Variants in RPRD1B observed in about 807,000 individuals in gnomAD.
RPRD1B encodes the protein regulation of nuclear pre-mRNA domain-containing protein 1B.
In RPRD1B, 11 loss-of-function variants were observed where a neutral mutation model predicts 41.5. The observed-to-expected ratio is 0.27, with a 90% CI of 0.17 to 0.44. The LOEUF is 0.44. RPRD1B is among the 20% of genes least tolerant of loss of function. The probability of loss-of-function intolerance (pLI) is 1.00; values close to 1 mark genes in which losing one functional copy is unlikely to be tolerated. For synonymous variants in RPRD1B, 158 were observed against 155.6 expected (o/e 1.02, Z -0.12); for missense variants, 248 against 389.9 (o/e 0.64, Z 3.06).
Position 38,090,084 on chromosome 20 carries a change from C to T in RPRD1B, c.*209C>T, listed in dbSNP as rs967614705. ...TGGCGACTGGAATCTGGTTTATATT[C>T]ATATTTGCAAAGACTACAGACTTTT... On this transcript the variant is annotated 3_prime_UTR_variant, in exon 7 of 7. Transcript: ENST00000373433. 1 of 1,289,092 alleles carries T rather than the reference C, an allele frequency of 7.8e-7. No individual in the cohort carries two copies. The highest frequency in any genetic ancestry group is 2.8e-5 in the East Asian group (1 of 35,310). 79.9% of individuals were successfully genotyped at this position (1,289,092 alleles called of 1,614,324 possible).
chr20:38,063,219 C>T (rs543218404), intron 5 of RPRD1B, among the ~76,000 whole-genome samples: 1 of 152,268 alleles, frequency 6.6e-6, no homozygotes, highest in Non-Finnish European at 1.5e-5. Context: ...GAAGCTCACC[C>T]TGACCACCTT....
At chr20:38,034,679 A>T (rs2073976552) in intron 1 of RPRD1B, among the ~76,000 whole-genome samples, 1 of 152,188 alleles carries the variant, frequency 6.6e-6, no homozygotes, top group Non-Finnish European at 1.5e-5. Context: ...CCTGTGAAGT[A>T]GGTAGTCTCT....
chr20:38,072,339 G>A (rs1258940835), intron 6 of RPRD1B, among the ~76,000 whole-genome samples: 2 of 152,104 alleles, frequency 1.3e-5, no homozygotes, highest in East Asian at 1.9e-4. Context: ...AGATGTATTG[G>A]TTTATTTCTG....
At chr20:38,061,265 C>T (rs1202667874) in intron 5 of RPRD1B, among the ~76,000 whole-genome samples, 2 of 152,146 alleles carry the variant, frequency 1.3e-5, no homozygotes, top group South Asian at 2.1e-4. Flanking sequence ...ACTCTATACC[C>T]GTTAAACAAT....
intron 5 of RPRD1B, among the ~76,000 whole-genome samples, chr20:38,061,848 A>T (rs6013788): frequency 4.6e-5 from 7 of 152,292 alleles, no homozygotes; most frequent in African/African-American, 1.7e-4. Flanking sequence ...AGTAGTTGGA[A>T]TAATGCCTCC....
At position 38,082,287 on chromosome 20, in the gene RPRD1B, G is replaced by A. The variant is rs550539712; in HGVS notation, c.832-7439G>A. ...TTCAATTCCTTCCTGGTTCAATCTC[G>A]GGAGATTCCGTGTTTCTAGGAATTT... On this transcript the variant is annotated intron_variant, in intron 6 of 6. Coordinates refer to ENST00000373433, the MANE Select transcript of RPRD1B (RefSeq NM_021215.4). Among the ~76,000 whole-genome samples, 157 of 152,214 alleles carry A rather than the reference G, an allele frequency of 1.0e-3. 2 individuals carry two copies. Among genetic ancestry groups the A allele is most frequent in the African/African-American group, 3.7e-3 (154 of 41,512 alleles).
At chr20:38,068,852 T>G (rs1224350032) in intron 6 of RPRD1B, among the ~76,000 whole-genome samples, 1 of 152,252 alleles carries the variant, frequency 6.6e-6, no homozygotes, top group Non-Finnish European at 1.5e-5. Flanking sequence ...TGTGAATTCC[T>G]TCAGATTGTC....
At chr20:38,053,831 T>C (rs2074213226) in intron 3 of RPRD1B, among the ~76,000 whole-genome samples, 1 of 152,234 alleles carries the variant, frequency 6.6e-6, no homozygotes, top group African/African-American at 2.4e-5. Flanking sequence ...ATGTGTACAT[T>C]GTATTAGGTA....
chr20:38,088,177 G>C (rs2074579767), intron 6 of RPRD1B, among the ~76,000 whole-genome samples: 1 of 152,148 alleles, frequency 6.6e-6, no homozygotes, highest in South Asian at 2.1e-4. Flanking sequence ...GGATATGCCT[G>C]GTTCCCTCCT....
intron 6 of RPRD1B, among the ~76,000 whole-genome samples, chr20:38,084,248 G>C: frequency 6.6e-6 from 1 of 152,014 alleles, no homozygotes; most frequent in East Asian, 1.9e-4. Flanking sequence ...CAGTGTGGCA[G>C]GTCACCTTTA....
chr20:38,075,271 T>A (rs2074448290), intron 6 of RPRD1B, among the ~76,000 whole-genome samples: 1 of 152,254 alleles, frequency 6.6e-6, no homozygotes, highest in Non-Finnish European at 1.5e-5. Context: ...TAGGACTTCA[T>A]TGAGCTTATT....
In RPRD1B at chr20:38,059,384, C is replaced by G. The variant is rs769391863; in HGVS notation, c.529-10C>G. On this transcript the variant is annotated splice_polypyrimidine_tract_variant and intron_variant, in intron 4 of 6. Coordinates refer to ENST00000373433, the MANE Select transcript of RPRD1B (RefSeq NM_021215.4). ...TAATGGGTAGTGTTGTTTGTGTTTT[C>G]ATCTTACAGACTGAGGAACTAATCA... The G allele has an allele frequency of 6.2e-7, 1 of 1,607,260 alleles. No homozygotes were observed. Among genetic ancestry groups the G allele is most frequent in the East Asian group, 2.2e-5 (1 of 44,470 alleles).
intron 6 of RPRD1B, among the ~76,000 whole-genome samples, chr20:38,076,736 T>C (rs1414754766): frequency 6.6e-6 from 1 of 151,444 alleles, no homozygotes; most frequent in Non-Finnish European, 1.5e-5. Flanking sequence ...CCCTTTCTCT[T>C]TTTGGCCCTG....
At chr20:38,039,163 T>C (rs2074036988) in intron 1 of RPRD1B, among the ~76,000 whole-genome samples, 1 of 152,210 alleles carries the variant, frequency 6.6e-6, no homozygotes, top group African/African-American at 2.4e-5. Context: ...TATGATACCA[T>C]ATAGAGTAAT....
chr20:38,091,717 A>T lies in RPRD1B; in HGVS notation c.*1842A>T, dbSNP rs1029589538. ...GGGACACTCTATGCTTTCACCAAGG[A>T]AGTGCGATCTGAGCAGCCACAATCC... On this transcript the variant is annotated 3_prime_UTR_variant, in exon 7 of 7. Transcript: ENST00000373433. The T allele has an allele frequency of 3.0e-4, 300 of 985,606 alleles. No individual in the cohort carries two copies. Among genetic ancestry groups the T allele is most frequent in the Non-Finnish European group, 3.5e-4 (287 of 829,946 alleles). The allele number at this position is 985,606 out of a possible 1,614,324, so 61.1% of individuals were successfully genotyped here. A position where few individuals can be genotyped will look rare whatever the true frequency, so the allele number is the denominator to read the frequency against.
intron 2 of RPRD1B, among the ~76,000 whole-genome samples, chr20:38,044,653 C>T (rs1180188281): frequency 6.6e-6 from 1 of 152,102 alleles, no homozygotes; most frequent in African/African-American, 2.4e-5. Context: ...GGATTACAGG[C>T]GTCAGCCACC....
intron 3 of RPRD1B, among the ~76,000 whole-genome samples, chr20:38,052,599 A>G (rs1240252763): frequency 6.6e-6 from 1 of 152,144 alleles, no homozygotes; most frequent in Non-Finnish European, 1.5e-5. Context: ...TCCTTTTCTC[A>G]TTATAAAAGT....
intron 5 of RPRD1B, 24 bp from the exon 6 acceptor site, chr20:38,066,057 T>C: frequency 6.2e-7 from 1 of 1,606,648 alleles, no homozygotes; most frequent in Non-Finnish European, 8.5e-7. Flanking sequence ...ATTTTCTCTA[T>C]TTTTTGGTCT....
chr20:38,081,094 T>A (rs1048423471), intron 6 of RPRD1B, among the ~76,000 whole-genome samples: 12 of 152,228 alleles, frequency 7.9e-5, no homozygotes, highest in Admixed American at 6.5e-4. Flanking sequence ...TTTTCCTAAT[T>A]CTGTGAAGAA....
Sources: allele counts gnomAD v4.1 joint callset (sites outside exome capture counted in the v4.1 genomes callset), GRCh38; gene constraint gnomAD v4.1.1; transcripts MANE v1.5; gene names NCBI Gene and HGNC (gene_info 2026-07-23, HGNC 2026-07-21).